CACNA1C: variants seen among roughly 807,000 people sequenced by gnomAD.
The protein encoded by CACNA1C is calcium voltage-gated channel subunit alpha1 C, also known as voltage-dependent L-type calcium channel subunit alpha-1C.
CACNA1C carries 30 observed loss-of-function variants against 229.0 expected under a neutral mutation model. That is an observed-to-expected ratio of 0.13 (90% confidence interval 0.10 to 0.18). The LOEUF (loss-of-function observed/expected upper bound fraction) is 0.18, where lower values mean the gene tolerates loss of function less well. CACNA1C is among the 10% of genes least tolerant of loss of function. The pLI, the probability that CACNA1C is intolerant of heterozygous loss-of-function variation, is 1.00. For synonymous variants in CACNA1C, 1,114 were observed against 1,132.5 expected, an observed-to-expected ratio of 0.98 and a Z score of 0.33; for missense variants, 1,658 against 2,845.0, an observed-to-expected ratio of 0.58 and a Z score of 9.49.
chr12:2,022,508 G>A (rs1387317793), intron 1 of CACNA1C, among the ~76,000 whole-genome samples: 1 of 149,748 alleles, frequency 6.7e-6, no homozygotes, highest in Non-Finnish European at 1.5e-5. Context: ...TCGGGGGAGT[G>A]CAGTGGCACA....
At position 2,108,724 on chromosome 12, in the gene CACNA1C, G is replaced by A. The variant is rs1013428778; in HGVS notation, c.50-6500G>A. Among the ~76,000 whole-genome samples the A allele has an allele frequency of 6.6e-6, 1 of 152,198 alleles. No individual in the cohort carries two copies. The highest frequency in any genetic ancestry group is 1.5e-5 in the Non-Finnish European group (1 of 68,040). ...ACTGGGGTTGAGATGACAGGGCCTC[G>A]GGTTATCGTCTGAGATCGAGAGACG... On this transcript the variant is annotated intron_variant, in intron 1 of 46. Coordinates refer to ENST00000399655, the MANE Select transcript of CACNA1C (RefSeq NM_000719.7). This position sits in a 1 kb window ranked among gnomAD's most constrained non-coding sequence, Gnocchi z 5.3.
chr12:2,613,160 T>G (rs981593110), intron 29 of CACNA1C: 1 of 152,258 alleles, frequency 6.6e-6, no homozygotes, highest in Non-Finnish European at 1.5e-5. Flanking sequence ...ATCCACAGCC[T>G]TCTTTGAATG....
At chr12:2,662,572 T>C (rs11062299) in intron 34 of CACNA1C, among the ~76,000 whole-genome samples, 93,097 of 152,084 alleles carry the variant, frequency 0.61, 30,490 homozygotes, top group Non-Finnish European at 0.73. Flanking sequence ...GCAAATGAAT[T>C]GACATCTCAG....
chr12:2,604,857 A>G (rs1025513953), intron 22 of CACNA1C, among the ~76,000 whole-genome samples: 1 of 152,138 alleles, frequency 6.6e-6, no homozygotes, highest in Admixed American at 6.5e-5. Context: ...CATATTATTT[A>G]GTCACCCACA....
At chr12:2,456,506 C>G (rs75606696) in intron 4 of CACNA1C, among the ~76,000 whole-genome samples, 1 of 152,198 alleles carries the variant, frequency 6.6e-6, no homozygotes, top group Non-Finnish European at 1.5e-5. Flanking sequence ...TCCCACAGTT[C>G]TCCCCTTTCC....
intron 3 of CACNA1C, among the ~76,000 whole-genome samples, chr12:2,282,103 A>G (rs1214945511): frequency 6.6e-6 from 1 of 151,926 alleles, no homozygotes; most frequent in Non-Finnish European, 1.5e-5. Flanking sequence ...AGAAGAACCT[A>G]GGGGGATTTA....
At chr12:2,267,608 C>A (rs894280949) in intron 3 of CACNA1C, among the ~76,000 whole-genome samples, 1 of 152,126 alleles carries the variant, frequency 6.6e-6, no homozygotes, top group South Asian at 2.1e-4. Context: ...AGAAAGAACC[C>A]GAAGCTCAGC....
At position 2,689,711 on chromosome 12, in the gene CACNA1C, C is replaced by T. The variant is rs1339412040; in HGVS notation, c.6117+932C>T. Among the ~76,000 whole-genome samples the T allele has an allele frequency of 2.0e-5, 3 of 152,170 alleles. No homozygotes were observed. The highest frequency in any genetic ancestry group is 4.4e-5 in the Non-Finnish European group (3 of 68,032). On this transcript the variant is annotated intron_variant, in intron 46 of 46. Transcript: ENST00000399655. The surrounding 1 kb of genome is among the most constrained non-coding windows in gnomAD (Gnocchi z 4.2). ...TCAAAGTCTGGTATTCCTGTGGCCT[C>T]GATCATCCTGCATTCATTTCACAGA...
chr12:2,366,512 TAATG>T (rs2097722424), intron 3 of CACNA1C, among the ~76,000 whole-genome samples: 1 of 152,218 alleles, frequency 6.6e-6, no homozygotes, highest in African/African-American at 2.4e-5. Context: ...TTACTTGTGT[TAATG>T]AAGGGAACCA....
chr12:2,547,611 C>T, intron 9 of CACNA1C: 1 of 743,616 alleles, frequency 1.3e-6, no homozygotes, highest in Non-Finnish European at 2.5e-6. Context: ...ATGGCTTGTG[C>T]CGCAGTAGTT....
chr12:2,376,931 G>C (rs914527831), intron 3 of CACNA1C, among the ~76,000 whole-genome samples: 1 of 152,180 alleles, frequency 6.6e-6, no homozygotes, highest in Non-Finnish European at 1.5e-5. Context: ...GCCAGGAATG[G>C]TAGGAATCGC....
At chr12:2,248,455 T>G (rs1249072558) in intron 3 of CACNA1C, among the ~76,000 whole-genome samples, 1 of 152,230 alleles carries the variant, frequency 6.6e-6, no homozygotes, top group Non-Finnish European at 1.5e-5. Context: ...TCCAGTATTT[T>G]TAGTTAGCAG....
chr12:2,198,386 T>A (rs2097482160), intron 3 of CACNA1C, among the ~76,000 whole-genome samples: 1 of 152,062 alleles, frequency 6.6e-6, no homozygotes, highest in Admixed American at 6.5e-5. Context: ...ACCGGAGGCC[T>A]CCCCTCTGCG....
At chr12:2,253,431 C>T (rs7139112) in intron 3 of CACNA1C, among the ~76,000 whole-genome samples, 6,731 of 152,310 alleles carry the variant, frequency 0.044, 179 homozygotes, top group Middle Eastern at 0.068. Context: ...GCTTAGAACT[C>T]CTCCTTGGTC....
At chr12:2,313,129 C>T (rs1293455208) in intron 3 of CACNA1C, among the ~76,000 whole-genome samples, 5 of 152,124 alleles carry the variant, frequency 3.3e-5, no homozygotes, top group East Asian at 1.9e-4. Context: ...GTGGTAAGGC[C>T]GCCCTGAGTC....
chr12:2,467,361 C>T lies in CACNA1C; in HGVS notation c.757+9655C>T, dbSNP rs1160520729. Among the ~76,000 whole-genome samples the T allele has an allele frequency of 1.3e-5, 2 of 152,212 alleles. No homozygotes were observed. The highest frequency in any genetic ancestry group is 2.9e-5 in the Non-Finnish European group (2 of 68,046). On this transcript the variant is annotated intron_variant, in intron 5 of 46. Coordinates refer to ENST00000399655, the MANE Select transcript of CACNA1C (RefSeq NM_000719.7). This position sits in a 1 kb window ranked among gnomAD's most constrained non-coding sequence, Gnocchi z 4.6. ...TGGCTTCCTTAAGGTCACAGAGTGACCTGGTGGCAGGTGGGCAGGACCCTT... is the reference window on the plus strand; with the variant it reads ...TGGCTTCCTTAAGGTCACAGAGTGATCTGGTGGCAGGTGGGCAGGACCCTT...
At chr12:2,430,698 C>T (rs1475912594) in intron 3 of CACNA1C, among the ~76,000 whole-genome samples, 2 of 152,198 alleles carry the variant, frequency 1.3e-5, no homozygotes, top group African/African-American at 2.4e-5. Flanking sequence ...ATGCCGCTTA[C>T]TGGTATACTC....
In CACNA1C at chr12:2,597,147, G is replaced by A. The variant is rs1157962014; in HGVS notation, c.2794-83G>A. On this transcript the variant is annotated intron_variant, in intron 20 of 46. Transcript: ENST00000399655. This position sits in a 1 kb window ranked among gnomAD's most constrained non-coding sequence, Gnocchi z 4.3. Reference sequence around the variant, plus strand: ...ATTTTGAAGTGTGGCCCCTTTTCTGGTGAACATCCACTGACCTCTCTTCCC... The same window carrying A: ...ATTTTGAAGTGTGGCCCCTTTTCTGATGAACATCCACTGACCTCTCTTCCC... 3.1e-5 allele frequency: 27 copies of A among 858,890 alleles called. No homozygotes were observed. In the East Asian group the frequency reaches 4.4e-4, roughly 14 times the overall value. The allele number at this position is 858,890 out of a possible 1,614,324, so 53.2% of individuals were successfully genotyped here.
chr12:2,053,034 C>A lies in CACNA1C; in HGVS notation c.-529C>A, dbSNP rs979992191. ...AGAAACAGCTCCTGCCAGAGCGGCG[C>A]TCGGCGCGGCGCGGCGGGCCCGGAG... On this transcript the variant is annotated 5_prime_UTR_variant, in exon 1 of 47. Transcript: ENST00000399655. The surrounding 1 kb of genome is among the most constrained non-coding windows in gnomAD (Gnocchi z 5.8). 5.1e-6 allele frequency: 5 copies of A among 984,428 alleles called. No individual in the cohort carries two copies. The Admixed American group carries it at 2.5e-4, about 49-fold the overall frequency. The allele number at this position is 984,428 out of a possible 1,614,324, so 61.0% of individuals were successfully genotyped here.
Sources: allele counts gnomAD v4.1 joint callset (sites outside exome capture counted in the v4.1 genomes callset), GRCh38; gene constraint gnomAD v4.1.1; non-coding constraint Gnocchi (gnomAD v3.1); transcripts MANE v1.5; gene names NCBI Gene and HGNC (gene_info 2026-07-23, HGNC 2026-07-21).